NAALADL2: variants seen among roughly 807,000 people sequenced by gnomAD.
NAALADL2 encodes the protein N-acetylated alpha-linked acidic dipeptidase like 2.
NAALADL2 carries 76 observed loss-of-function variants against 87.2 expected under a neutral mutation model. That is an observed-to-expected ratio of 0.87 (90% CI 0.72 to 1.05). NAALADL2 has a LOEUF of 1.05. NAALADL2 is among the 50% of genes least tolerant of loss of function. The pLI is 0.00. For synonymous variants in NAALADL2, 354 were observed against 331.0 expected, an observed-to-expected ratio of 1.07 and a Z score of -0.75; for missense variants, 1,089 against 945.8, an observed-to-expected ratio of 1.15 and a Z score of -1.99.
intron 5 of NAALADL2, among the ~76,000 whole-genome samples, chr3:175,338,685 T>G (rs1432182160): frequency 7.4e-6 from 1 of 135,276 alleles, no homozygotes; most frequent in African/African-American, 2.9e-5. Context: ...CACCAGGAAC[T>G]GAGTTCCAGA....
chr3:175,525,555 T>A lies in NAALADL2; in HGVS notation c.1654-50486T>A, dbSNP rs181111397. ...TCTCAAATCTAGTTTTCTCAAGCTTTATTCCTCAATAATTATTTTGAAAAA... is the reference window on the plus strand; with the variant it reads ...TCTCAAATCTAGTTTTCTCAAGCTTAATTCCTCAATAATTATTTTGAAAAA... On this transcript the variant is annotated intron_variant, in intron 9 of 13. Coordinates refer to ENST00000454872, the MANE Select transcript of NAALADL2 (RefSeq NM_207015.3). Among the ~76,000 whole-genome samples, 24 of 152,264 alleles carry A rather than the reference T, an allele frequency of 1.6e-4. No individual in the cohort carries two copies. In the East Asian group the frequency reaches 4.4e-3, roughly 28 times the overall value.
chr3:175,450,151 G>A (rs1721346637), intron 6 of NAALADL2, among the ~76,000 whole-genome samples: 2 of 151,818 alleles, frequency 1.3e-5, no homozygotes, highest in Non-Finnish European at 2.9e-5. Flanking sequence ...TAATGTTTTG[G>A]ACAATAATGC....
intron 2 of NAALADL2, among the ~76,000 whole-genome samples, chr3:175,193,120 T>C (rs1299227466): frequency 6.6e-6 from 1 of 151,968 alleles, no homozygotes; most frequent in African/African-American, 2.4e-5. Flanking sequence ...CTACAAAATG[T>C]CAGGGATACT....
chr3:175,588,299 G>A (rs953297168), intron 10 of NAALADL2, among the ~76,000 whole-genome samples: 1 of 151,998 alleles, frequency 6.6e-6, no homozygotes, highest in Non-Finnish European at 1.5e-5. Flanking sequence ...GTCTAAACTG[G>A]GTTTTAAAAG....
intron 4 of NAALADL2, chr3:175,271,040 C>A: frequency 6.6e-6 from 1 of 152,068 alleles, no homozygotes; most frequent in East Asian, 1.9e-4. Context: ...AATGAATAGG[C>A]ATGCACATTT....
chr3:175,579,131 A>G (rs1206782911), intron 10 of NAALADL2, among the ~76,000 whole-genome samples: 1 of 152,176 alleles, frequency 6.6e-6, no homozygotes, highest in Non-Finnish European at 1.5e-5. Context: ...TATTATATCC[A>G]TGGTTTTGAA....
chr3:174,989,969 T>G (rs1746492544), intron 1 of NAALADL2, among the ~76,000 whole-genome samples: 1 of 152,198 alleles, frequency 6.6e-6, no homozygotes, highest in Non-Finnish European at 1.5e-5. Flanking sequence ...GCTGCTTCAC[T>G]TGGTCTTCAT....
chr3:175,493,272 G>T (rs1728354219), intron 9 of NAALADL2, among the ~76,000 whole-genome samples: 1 of 151,934 alleles, frequency 6.6e-6, no homozygotes, highest in South Asian at 2.1e-4. Flanking sequence ...CTTTTTATTT[G>T]AGAAAGGAAT....
chr3:175,619,717 T>C (rs546305184), intron 10 of NAALADL2, among the ~76,000 whole-genome samples: 1 of 152,050 alleles, frequency 6.6e-6, no homozygotes, highest in Non-Finnish European at 1.5e-5. Context: ...ACATTGTATA[T>C]AAGAACACAT....
At chr3:175,546,148 C>A (rs868167744) in intron 9 of NAALADL2, among the ~76,000 whole-genome samples, 1 of 152,018 alleles carries the variant, frequency 6.6e-6, no homozygotes, top group Non-Finnish European at 1.5e-5. Context: ...TAAGAAAAGA[C>A]TTCATTGTCT....
chr3:174,955,451 A>C (rs1741017514), intron 1 of NAALADL2, among the ~76,000 whole-genome samples: 1 of 152,046 alleles, frequency 6.6e-6, no homozygotes, highest in Non-Finnish European at 1.5e-5. Context: ...AAGCAGTGAA[A>C]GGTTTTAGGA....
At chr3:175,208,526 G>C (rs1306372569) in intron 2 of NAALADL2, among the ~76,000 whole-genome samples, 2 of 152,104 alleles carry the variant, frequency 1.3e-5, no homozygotes, top group Non-Finnish European at 2.9e-5. Context: ...GGCACTAGCT[G>C]GTCAGTCAGC....
intron 4 of NAALADL2, chr3:175,270,948 G>A (rs1349635743): frequency 6.6e-6 from 1 of 151,924 alleles, no homozygotes; most frequent in Non-Finnish European, 1.5e-5. Context: ...AATATGTTTG[G>A]GATTAAGGGT....
intron 3 of NAALADL2, among the ~76,000 whole-genome samples, chr3:174,738,878 T>A (rs1733482109): frequency 6.6e-6 from 1 of 152,186 alleles, no homozygotes; most frequent in African/African-American, 2.4e-5. Context: ...GACCATAAAA[T>A]GCAATATTAC....
At chr3:174,800,187 G>A (rs1369988874) in intron 3 of NAALADL2, among the ~76,000 whole-genome samples, 4 of 152,130 alleles carry the variant, frequency 2.6e-5, no homozygotes, top group Non-Finnish European at 4.4e-5. Context: ...CATAAGTAAC[G>A]AGGAGCTGAA....
At chr3:175,219,442 A>G (rs1332681605) in intron 2 of NAALADL2, among the ~76,000 whole-genome samples, 1 of 152,180 alleles carries the variant, frequency 6.6e-6, no homozygotes, top group East Asian at 1.9e-4. Flanking sequence ...GTCTTTCATT[A>G]CATATATTTA....
chr3:174,569,472 A>C (rs550569319), intron 2 of NAALADL2, among the ~76,000 whole-genome samples: 16 of 152,054 alleles, frequency 1.1e-4, no homozygotes, highest in Non-Finnish European at 2.2e-4. Flanking sequence ...GCTGTTTTAC[A>C]ATCTTTATCT....
chr3:175,544,409 A>G lies in NAALADL2; in HGVS notation c.1654-31632A>G, dbSNP rs550170492. On this transcript the variant is annotated intron_variant, in intron 9 of 13. Transcript: ENST00000454872. The stretch of plus-strand genomic sequence containing the variant: ...GCTAAATCATGTCGACATGATAGAG[A>G]TGGTCTCGGTTTTGAGTCCTGATTG... Among the ~76,000 whole-genome samples, 58 of 152,260 alleles carry G rather than the reference A, an allele frequency of 3.8e-4. 2 individuals carry two copies. In the South Asian group the frequency reaches 0.012, roughly 32 times the overall value.
At chr3:174,543,980 C>T (rs1722495031) in intron 1 of NAALADL2, among the ~76,000 whole-genome samples, 1 of 151,074 alleles carries the variant, frequency 6.6e-6, no homozygotes, top group Non-Finnish European at 1.5e-5. Context: ...AGCACTCCAG[C>T]CTGGGTGACA....
Sources: gnomAD v4.1 joint callset for allele counts (sites outside exome capture counted in the v4.1 genomes callset) on GRCh38, gnomAD v4.1.1 for gene constraint, MANE v1.5 for transcripts, NCBI Gene and HGNC (gene_info 2026-07-23, HGNC 2026-07-21) for gene names.